GCNT1: variants seen among roughly 807,000 people sequenced by gnomAD.
GCNT1 encodes the protein beta-1,3-galactosyl-O-glycosyl-glycoprotein beta-1,6-N-acetylglucosaminyltransferase.
A neutral mutation model predicts 26.2 loss-of-function variants in GCNT1; 16 were observed. That is an observed-to-expected ratio of 0.61 (90% CI 0.41 to 0.93). The LOEUF (loss-of-function observed/expected upper bound fraction) is 0.93, where lower values mean the gene tolerates loss of function less well. Among genes scored for constraint, GCNT1 ranks in the 40% least tolerant of loss-of-function variants. The pLI is 0.00. For missense variants in GCNT1, 477 were observed against 526.7 expected, an observed-to-expected ratio of 0.91 and a Z score of 0.92; for synonymous variants, 183 against 190.8, an observed-to-expected ratio of 0.96 and a Z score of 0.34.
rs769118676 is a variant in GCNT1, at chr9:76,502,539, C to T, written c.158C>T (p.Pro53Leu). 1.9e-6 allele frequency: 3 copies of T among 1,613,930 alleles called. No homozygotes were observed. Among genetic ancestry groups the T allele is most frequent in the Non-Finnish European group, 2.5e-6 (3 of 1,179,934 alleles). ...CACTTGGAGCTTGCTGGGGAGAATC[C>T]TAGTAGTGATATTAATTGCACCAAA... ...VRHLELAGEN[P>L]SSDINCTKVL... Residue 53 changes from proline (P) to leucine (L), a missense_variant, in exon 4 of 4, where the codon CCT (proline) becomes CTT (leucine). Transcript: ENST00000376730.
chr9:76,486,915 TA>T (rs1195888117), intron 2 of GCNT1, among the ~76,000 whole-genome samples: 1 of 128,144 alleles, frequency 7.8e-6, no homozygotes, highest in Non-Finnish European at 1.8e-5. Flanking sequence ...CATCTCTACT[TA>T]AAACAAACAA....
intron 1 of GCNT1, among the ~76,000 whole-genome samples, chr9:76,424,627 T>C (rs1446127505): frequency 6.6e-6 from 1 of 152,216 alleles, no homozygotes; most frequent in African/African-American, 2.4e-5. Flanking sequence ...GGCCTTAAAG[T>C]CTTTCTGTTT....
At chr9:76,443,902 G>GAAAGAAAGAAAGAAAGAAAGAAAGA (rs1564225796) in intron 1 of GCNT1, among the ~76,000 whole-genome samples, 2 of 64,498 alleles carry the variant, frequency 3.1e-5, no homozygotes, top group African/African-American at 1.2e-4. Flanking sequence ...AGAAAGAAAG[G>GAAAGAAAGAAAGAAAGAAAGAAAGA]AAGAAAGGAA....
intron 1 of GCNT1, among the ~76,000 whole-genome samples, chr9:76,449,218 A>T (rs1217240828): frequency 6.6e-6 from 1 of 152,046 alleles, no homozygotes; most frequent in African/African-American, 2.4e-5. Context: ...CTGTAGTCCT[A>T]GCTACTTGGT....
In GCNT1 at chr9:76,503,078, C is replaced by T; in HGVS notation, c.697C>T (p.Leu233Phe). 6.2e-7 allele frequency: 1 copy of T among 1,614,038 alleles called. No individual in the cohort carries two copies. Among genetic ancestry groups the T allele is most frequent in the Non-Finnish European group, 8.5e-7 (1 of 1,179,994 alleles). Residue 233 changes from leucine to phenylalanine, a missense_variant, in exon 4 of 4, where the codon CTC (leucine) becomes TTC (phenylalanine). By Grantham distance (22) the Leu-to-Phe change is conservative (BLOSUM62 0). Transcript: ENST00000376730. ...AACCAACCTAGAAATTGTCAGGAAG[C>T]TCAAGTTGTTAATGGGAGAAAACAA... ...IKTNLEIVRK[L>F]KLLMGENNLE...
chr9:76,451,339 G>C (rs922856781), intron 1 of GCNT1, among the ~76,000 whole-genome samples: 5 of 151,950 alleles, frequency 3.3e-5, no homozygotes, highest in Non-Finnish European at 7.4e-5. Flanking sequence ...ACAAGGCTCT[G>C]GCAAAGATCA....
intron 2 of GCNT1, among the ~76,000 whole-genome samples, chr9:76,480,897 A>C (rs1379616068): frequency 1.3e-5 from 2 of 152,014 alleles, no homozygotes; most frequent in Admixed American, 6.5e-5. Flanking sequence ...TATGTATTTT[A>C]ACATTTTTTA....
chr9:76,474,069 T>G (rs925516378), intron 2 of GCNT1, among the ~76,000 whole-genome samples: 5 of 152,128 alleles, frequency 3.3e-5, no homozygotes, highest in African/African-American at 1.2e-4. Flanking sequence ...CACTGCACTC[T>G]AGCTTGGGTA....
At chr9:76,442,889 A>G (rs527238858) in intron 1 of GCNT1, among the ~76,000 whole-genome samples, 1 of 145,548 alleles carries the variant, frequency 6.9e-6, no homozygotes, top group South Asian at 2.2e-4. Flanking sequence ...GGAATATACT[A>G]AAGCCAAAAT....
At chr9:76,462,854 T>C (rs1280330075) in intron 2 of GCNT1, among the ~76,000 whole-genome samples, 5 of 152,190 alleles carry the variant, frequency 3.3e-5, no homozygotes, top group Admixed American at 3.3e-4. Context: ...TGCCAGTTTC[T>C]ATCTCCAAAG....
intron 2 of GCNT1, among the ~76,000 whole-genome samples, chr9:76,487,354 T>C (rs1824607778): frequency 6.6e-6 from 1 of 152,134 alleles, no homozygotes; most frequent in Admixed American, 6.5e-5. Context: ...CAGCAGCCTC[T>C]GGGACACTGA....
At chr9:76,414,245 C>T in the GCNT1 span, among the ~76,000 whole-genome samples, 1 of 152,112 alleles carries the variant, frequency 6.6e-6, no homozygotes, top group Admixed American at 6.6e-5. Context: ...TCTGTTTTGC[C>T]TTTTAGTGTG....
intron 2 of GCNT1, among the ~76,000 whole-genome samples, chr9:76,464,769 C>T (rs1257999875): frequency 6.6e-6 from 1 of 152,168 alleles, no homozygotes; most frequent in African/African-American, 2.4e-5. Context: ...TCTCTAAATT[C>T]TACTTAAAAA....
chr9:76,438,505 G>A (rs749712525), upstream of GCNT1, among the ~76,000 whole-genome samples: 1 of 152,142 alleles, frequency 6.6e-6, no homozygotes, highest in African/African-American at 2.4e-5. Flanking sequence ...AATGCTGAAG[G>A]GGTATAATGA....
the GCNT1 span, chr9:76,394,003 C>A: frequency 1.5e-6 from 2 of 1,319,526 alleles, no homozygotes; most frequent in Admixed American, 4.3e-5. Context: ...CCGGAGGCCC[C>A]ACGCCCCGGT....
Position 76,503,476 on chromosome 9 carries a change from G to C in GCNT1, c.1095G>C (p.Lys365Asn), listed in dbSNP as rs769477778. 1.2e-6 allele frequency: 2 copies of C among 1,614,152 alleles called. No homozygotes were observed. Among genetic ancestry groups the C allele is most frequent in the Non-Finnish European group, 1.7e-6 (2 of 1,180,004 alleles). ...KWQYFEGDVS[K>N]GAPYPPCDGV... is the part of the protein sequence containing the mutation. ...AGTACTTTGAGGGTGATGTTTCCAAGGGTGCTCCCTACCCGCCCTGCGATG... is the reference window on the plus strand; with the variant it reads ...AGTACTTTGAGGGTGATGTTTCCAACGGTGCTCCCTACCCGCCCTGCGATG... Residue 365 changes from lysine to asparagine, a missense_variant, in exon 4 of 4, where the codon AAG (lysine) becomes AAC (asparagine). By Grantham distance (94) the Lys-to-Asn change is moderately conservative. Coordinates refer to ENST00000376730, the MANE Select transcript of GCNT1 (RefSeq NM_001490.5).
chr9:76,423,411 G>A (rs1176348065), intron 1 of GCNT1, among the ~76,000 whole-genome samples: 2 of 152,150 alleles, frequency 1.3e-5, no homozygotes, highest in Admixed American at 1.3e-4. Flanking sequence ...TTCCCCCATG[G>A]GATGATGCAG....
At chr9:76,446,655 T>C (rs1359528443) in intron 1 of GCNT1, among the ~76,000 whole-genome samples, 2 of 152,290 alleles carry the variant, frequency 1.3e-5, no homozygotes, top group African/African-American at 4.8e-5. Flanking sequence ...TGGAAACAAC[T>C]GGAATGGCCA....
chr9:76,497,241 A>G (rs141468503), intron 2 of GCNT1, among the ~76,000 whole-genome samples: 51 of 152,264 alleles, frequency 3.3e-4, no homozygotes, highest in Non-Finnish European at 7.4e-5. Flanking sequence ...ATTTTTGGTA[A>G]AGTTGCATTA....
Sources: allele counts gnomAD v4.1 joint callset (sites outside exome capture counted in the v4.1 genomes callset), GRCh38; gene constraint gnomAD v4.1.1; transcripts MANE v1.5; gene names NCBI Gene and HGNC (gene_info 2026-07-23, HGNC 2026-07-21).